The following BICD1 variants were observed in gnomAD, a reference collection of about 807,000 sequenced individuals.
BICD1 encodes BICD cargo adaptor 1.
BICD1 carries 35 observed loss-of-function variants against 92.5 expected under a neutral mutation model. The observed-to-expected ratio is 0.38, with a 90% CI of 0.29 to 0.50. The LOEUF (loss-of-function observed/expected upper bound fraction) is 0.50. Ranked by LOEUF, BICD1 falls within the 20% of genes least tolerant of loss-of-function variation. The pLI is 0.93. For missense variants in BICD1, 950 were observed against 1,189.8 expected (o/e 0.80, Z 2.97); for synonymous variants, 429 against 465.1 (o/e 0.92, Z 1.00).
intron 2 of BICD1, among the ~76,000 whole-genome samples, chr12:32,229,655 T>C (rs183793659): frequency 9.2e-5 from 14 of 152,200 alleles, no homozygotes; most frequent in African/African-American, 3.1e-4. Flanking sequence ...ATAGTAAGTT[T>C]AAGAGAGAAT....
intron 2 of BICD1, among the ~76,000 whole-genome samples, chr12:32,233,313 G>C (rs2632362): frequency 0.46 from 62,030 of 135,636 alleles, 14,217 homozygotes; most frequent in Middle Eastern, 0.51. Flanking sequence ...CAGAGCAAGA[G>C]TCTGTCTTTA....
intron 2 of BICD1, among the ~76,000 whole-genome samples, chr12:32,292,745 T>C (rs1479218421): frequency 2.0e-5 from 3 of 152,204 alleles, no homozygotes; most frequent in African/African-American, 7.2e-5. Flanking sequence ...TTGGTTTCTA[T>C]GATACTTCTT....
intron 2 of BICD1, among the ~76,000 whole-genome samples, chr12:32,279,901 C>G (rs1592603011): frequency 6.6e-6 from 1 of 152,232 alleles, no homozygotes; most frequent in Admixed American, 6.5e-5. Flanking sequence ...GAGTTCGAGA[C>G]CAGCCTGACT....
At chr12:32,170,863 G>GTACA (rs1290980035) in intron 1 of BICD1, among the ~76,000 whole-genome samples, 1 of 152,160 alleles carries the variant, frequency 6.6e-6, no homozygotes, top group Admixed American at 6.6e-5. Flanking sequence ...ACCCGACAGT[G>GTACA]TACAGGACAG....
chr12:32,345,514 A>G (rs1375191872), intron 8 of BICD1, among the ~76,000 whole-genome samples: 1 of 152,142 alleles, frequency 6.6e-6, no homozygotes, highest in Non-Finnish European at 1.5e-5. Flanking sequence ...ATATATACAT[A>G]TATAAAAACA....
chr12:32,296,246 GTTTTTTTTTGTTTT>G (rs1255184860), intron 3 of BICD1, among the ~76,000 whole-genome samples: 1 of 108,610 alleles, frequency 9.2e-6, no homozygotes, highest in Non-Finnish European at 1.8e-5. Context: ...ATAAGAAGGG[GTTTTTTTTTGTTTT>G]TTTTTTTTTT....
intron 1 of BICD1, among the ~76,000 whole-genome samples, chr12:32,143,099 CAT>C (rs1269714715): frequency 6.6e-6 from 1 of 152,056 alleles, no homozygotes; most frequent in Non-Finnish European, 1.5e-5. Flanking sequence ...CATCTAGTCT[CAT>C]ATGTCTATAT....
At chr12:32,320,399 T>A in intron 4 of BICD1, among the ~76,000 whole-genome samples, 1 of 152,114 alleles carries the variant, frequency 6.6e-6, no homozygotes, top group East Asian at 1.9e-4. Context: ...CCCAACACTT[T>A]GGGAGGCCGA....
At chr12:32,109,458 G>C (rs1007951609) in intron 1 of BICD1, 1 of 152,100 alleles carries the variant, frequency 6.6e-6, no homozygotes, top group Admixed American at 6.6e-5. Context: ...TGAAAAAAAC[G>C]TTTTGTAGGA....
intron 2 of BICD1, among the ~76,000 whole-genome samples, chr12:32,229,199 C>T (rs1592517018): frequency 6.6e-6 from 1 of 152,030 alleles, no homozygotes; most frequent in African/African-American, 2.4e-5. Flanking sequence ...TGCAGTGAGC[C>T]GAGATTGTGC....
chr12:32,303,034 G>A lies in BICD1; in HGVS notation c.580-2663G>A, dbSNP rs1033402975. 3.5e-5 allele frequency among the ~76,000 whole-genome samples: 5 copies of A among 143,470 alleles called. No individual in the cohort carries two copies. The East Asian group carries it at 6.2e-4, about 18-fold the overall frequency. 94.1% of individuals were successfully genotyped at this position (143,470 alleles called of 152,430 possible). A position where few individuals can be genotyped will look rare whatever the true frequency, so the allele number is the denominator to read the frequency against. On this transcript the variant is annotated intron_variant, in intron 3 of 9. Transcript: ENST00000652176. ...CTGCAGCCTTGACCTCCCTGGGCCC[G>A]AGTGATCCTCCCACCTCATCCTCCC...
At chr12:32,224,866 TA>T (rs1945635439) in intron 2 of BICD1, among the ~76,000 whole-genome samples, 1 of 152,162 alleles carries the variant, frequency 6.6e-6, no homozygotes, top group Non-Finnish European at 1.5e-5. Flanking sequence ...TACACTTGGC[TA>T]AATTTTGTAT....
rs61038844 is a variant in BICD1, at chr12:32,171,940, TACACACACACACACACAC to T, written c.214-44274_214-44257del. On this transcript the variant is annotated intron_variant, in intron 1 of 9. Coordinates refer to ENST00000652176, the MANE Select transcript of BICD1 (RefSeq NM_001714.4). ...CAAAGCAAGACTTGGTCTCAAAAAA[TACACACACACACACACAC>T]ACACACACACACACACACACACACA... 1.5e-3 allele frequency among the ~76,000 whole-genome samples: 214 copies of T among 141,010 alleles called. 1 individual carries two copies. Among genetic ancestry groups the T allele is most frequent in the South Asian group, 2.4e-3 (10 of 4,164 alleles). 92.5% of individuals were successfully genotyped at this position (141,010 alleles called of 152,430 possible).
intron 3 of BICD1, among the ~76,000 whole-genome samples, chr12:32,294,426 A>G (rs1947806142): frequency 6.6e-6 from 1 of 152,102 alleles, no homozygotes; most frequent in Non-Finnish European, 1.5e-5. Flanking sequence ...AGTCAAATGT[A>G]TCGTAACAAA....
rs146618099 is a variant in BICD1 at position 32,337,133 on chromosome 12, G to C, written c.2253-366G>C. ...ATGGTGGCACACTCCTGTAATTCCA[G>C]CAACTCGGCAGGCTGAGGCATGAGA... On this transcript the variant is annotated intron_variant, in intron 6 of 9. Transcript: ENST00000652176. This position sits in a 1 kb window ranked among gnomAD's most constrained non-coding sequence, Gnocchi z 4.7. Among the ~76,000 whole-genome samples the C allele has an allele frequency of 2.1e-3, 317 of 152,190 alleles. 4 individuals carry two copies. The highest frequency in any genetic ancestry group is 7.4e-3 in the African/African-American group (309 of 41,524).
chr12:32,258,696 T>C (rs551536897), intron 2 of BICD1, among the ~76,000 whole-genome samples: 128 of 152,302 alleles, frequency 8.4e-4, no homozygotes, highest in African/African-American at 2.9e-3. Flanking sequence ...CCTTCCCTTA[T>C]AGGTAGCTGA....
At chr12:32,310,838 A>T (rs1238595081) in intron 4 of BICD1, among the ~76,000 whole-genome samples, 1 of 152,178 alleles carries the variant, frequency 6.6e-6, no homozygotes, top group African/African-American at 2.4e-5. Flanking sequence ...AATATGTACA[A>T]TTTTTGTCAG....
At chr12:32,312,913 T>C (rs536694339) in intron 4 of BICD1, among the ~76,000 whole-genome samples, 5 of 152,346 alleles carry the variant, frequency 3.3e-5, no homozygotes, top group Admixed American at 6.5e-5. Flanking sequence ...TAGGTTGTAA[T>C]TGACATTTTC....
intron 1 of BICD1, among the ~76,000 whole-genome samples, chr12:32,149,458 C>A (rs2121421736): frequency 6.6e-6 from 1 of 152,100 alleles, no homozygotes; most frequent in Non-Finnish European, 1.5e-5. Context: ...TTTTTGAAGT[C>A]AAGAAATGTA....
Sources: allele counts gnomAD v4.1 joint callset (sites outside exome capture counted in the v4.1 genomes callset), GRCh38; gene constraint gnomAD v4.1.1; non-coding constraint Gnocchi (gnomAD v3.1); transcripts MANE v1.5; gene names NCBI Gene and HGNC (gene_info 2026-07-23, HGNC 2026-07-21).